Variants in CD300LG observed in about 807,000 individuals in gnomAD.
CD300LG encodes CMRF35-like molecule 9.
CD300LG carries 29 observed loss-of-function variants against 31.5 expected under a neutral mutation model. The observed-to-expected ratio is 0.92, with a 90% CI of 0.68 to 1.25. CD300LG has a LOEUF of 1.25. Ranked by LOEUF, CD300LG falls within the 50% of genes most tolerant of loss-of-function variation. The pLI is 0.00. For missense variants in CD300LG, 396 were observed against 417.6 expected, an observed-to-expected ratio of 0.95 and a Z score of 0.45; for synonymous variants, 175 against 177.2, an observed-to-expected ratio of 0.99 and a Z score of 0.10.
At chr17:43,853,221 G>A (rs548109866) in intron 3 of CD300LG, among the ~76,000 whole-genome samples, 101 of 152,304 alleles carry the variant, frequency 6.6e-4, no homozygotes, top group African/African-American at 2.3e-3. Context: ...GATCCCAGAA[G>A]TGGTCACAGC....
intron 6 of CD300LG, chr17:43,858,607 G>A (rs2046590185): frequency 2.0e-6 from 2 of 985,434 alleles, no homozygotes; most frequent in African/African-American, 1.7e-5. Context: ...AGATGGAACA[G>A]GGCCTCCCAA....
chr17:43,855,443 G>A (rs774475213), intron 5 of CD300LG, 124 bp downstream of exon 5: 16 of 537,886 alleles, frequency 3.0e-5, no homozygotes, highest in Non-Finnish European at 4.8e-5. Flanking sequence ...TCTGAGATAT[G>A]AGCATCAGGA....
rs558061935 is a variant in CD300LG at position 43,862,268 on chromosome 17, G to A, written c.*357G>A. 12 of 161,946 alleles carry A rather than the reference G, an allele frequency of 7.4e-5. No homozygotes were observed. Among genetic ancestry groups the A allele is most frequent in the South Asian group, 2.0e-4 (1 of 4,992 alleles). 10.0% of individuals were successfully genotyped at this position (161,946 alleles called of 1,614,324 possible). A position where few individuals can be genotyped will look rare whatever the true frequency, so the allele number is the denominator to read the frequency against. On this transcript the variant is annotated 3_prime_UTR_variant, in exon 7 of 7. Coordinates refer to ENST00000317310, the MANE Select transcript of CD300LG (RefSeq NM_145273.4). ...ACTCCTGGGCCTCATGCCCAGTGTC[G>A]GACCCTGCCTTCCTCCCACTCCAGA...
rs1160451709 is a variant in CD300LG at position 43,856,985 on chromosome 17, C to T, written c.833-119C>T. 6.3e-6 allele frequency: 6 copies of T among 953,090 alleles called. No individual in the cohort carries two copies. The African/African-American group carries it at 6.5e-5, about 10-fold the overall frequency. The allele number at this position is 953,090 out of a possible 1,614,324, so 59.0% of individuals were successfully genotyped here. On this transcript the variant is annotated intron_variant, in intron 5 of 6. Coordinates refer to ENST00000317310, the MANE Select transcript of CD300LG (RefSeq NM_145273.4). ...CCTCTGCCCATCTGGCTGCCTCCTC[C>T]CTCTGGGAAGCCCCTGCTCCCGTGT...
At chr17:43,849,245 C>A (rs1257531874) in intron 2 of CD300LG, 3 of 423,042 alleles carry the variant, frequency 7.1e-6, no homozygotes, top group Admixed American at 3.9e-5. Context: ...AGACTCCTCG[C>A]CTGGTGTCAG....
Position 43,847,176 on chromosome 17 carries a change from A to G in CD300LG, c.-41A>G. 1 of 1,610,908 alleles carries G rather than the reference A, an allele frequency of 6.2e-7. No individual in the cohort carries two copies. On this transcript the variant is annotated 5_prime_UTR_variant, in exon 1 of 7. Coordinates refer to ENST00000317310, the MANE Select transcript of CD300LG (RefSeq NM_145273.4). ...GACCCGTGTGACTGAAGAGGAGCTC[A>G]CAGTTCCCAGCGTCTGCTCCCACGG...
At position 43,862,342 on chromosome 17, in the gene CD300LG, C is replaced by T. The variant is rs1221200581; in HGVS notation, c.*431C>T. The T allele has an allele frequency of 2.0e-5, 3 of 152,878 alleles. No homozygotes were observed. Among genetic ancestry groups the T allele is most frequent in the Non-Finnish European group, 4.4e-5 (3 of 68,580 alleles). 9.5% of individuals were successfully genotyped at this position (152,878 alleles called of 1,614,324 possible). On this transcript the variant is annotated 3_prime_UTR_variant, in exon 7 of 7. Coordinates refer to ENST00000317310, the MANE Select transcript of CD300LG (RefSeq NM_145273.4). ...GCGTCCTCAGACTTAGTCCCACGGT[C>T]TCCTGCATCAGCTGGTGATGAAGAG...
At chr17:43,852,649 G>C (rs1279999550) in intron 2 of CD300LG, among the ~76,000 whole-genome samples, 1 of 152,240 alleles carries the variant, frequency 6.6e-6, no homozygotes, top group African/African-American at 2.4e-5. Flanking sequence ...CAAAACTGGA[G>C]TAGTGTGAAG....
chr17:43,858,056 G>A (rs2143400988), intron 6 of CD300LG: 1 of 1,430,620 alleles, frequency 7.0e-7, no homozygotes, highest in Non-Finnish European at 9.1e-7. Flanking sequence ...TCCCTCTGCT[G>A]TTTACTGAGA....
At chr17:43,857,274 G>A (rs1567854748) in intron 6 of CD300LG, 118 bp downstream of exon 6, 3 of 1,438,834 alleles carry the variant, frequency 2.1e-6, no homozygotes, top group Non-Finnish European at 2.9e-6. Flanking sequence ...CCTAGAGGCA[G>A]CGCTTGCTCC....
chr17:43,861,695 G>C, intron 6 of CD300LG, 103 bp from the exon 7 acceptor site: 1 of 673,284 alleles, frequency 1.5e-6, no homozygotes, highest in Non-Finnish European at 2.4e-6. Flanking sequence ...TGGAACTTGT[G>C]GAAAAGGCTG....
intron 3 of CD300LG, 51 bp downstream of exon 3, chr17:43,853,064 C>T (rs2046407500): frequency 6.7e-7 from 1 of 1,496,272 alleles, no homozygotes. Flanking sequence ...CTTACAGAAG[C>T]AGCCAGTGAG....
intron 3 of CD300LG, among the ~76,000 whole-genome samples, chr17:43,853,475 G>A (rs935149987): frequency 1.3e-5 from 2 of 152,172 alleles, no homozygotes; most frequent in African/African-American, 2.4e-5. Context: ...GACTGTAGGG[G>A]GAGGGCAGGA....
intron 6 of CD300LG, 64 bp downstream of exon 6, chr17:43,857,220 TG>T: frequency 6.3e-7 from 1 of 1,589,430 alleles, no homozygotes; most frequent in Non-Finnish European, 8.6e-7. Context: ...TCAAGATTCC[TG>T]GGCTTTGCCT....
intron 6 of CD300LG, chr17:43,861,208 C>G: frequency 1.0e-6 from 1 of 985,334 alleles, no homozygotes; most frequent in Non-Finnish European, 1.2e-6. Context: ...TCACCATCCC[C>G]GAGCCCTCTC....
chr17:43,848,505 C>G (rs997926842), intron 1 of CD300LG, 53 bp from the exon 2 acceptor site: 1 of 1,443,426 alleles, frequency 6.9e-7, no homozygotes. Flanking sequence ...CTGGCCTTGA[C>G]CTTGGTACAT....
chr17:43,847,872 G>T (rs887664338), intron 1 of CD300LG, among the ~76,000 whole-genome samples: 1 of 152,120 alleles, frequency 6.6e-6, no homozygotes, highest in Non-Finnish European at 1.5e-5. Context: ...GATCGCTTGA[G>T]CCCCAGAGGT....
At chr17:43,857,199 G>C (rs779873660) in intron 6 of CD300LG, 43 bp downstream of exon 6, 2 of 1,607,720 alleles carry the variant, frequency 1.2e-6, no homozygotes, top group South Asian at 2.2e-5. Context: ...AGATCCCCTT[G>C]GGGCTGGAAG....
At chr17:43,858,555 G>A (rs911771010) in intron 6 of CD300LG, 3 of 985,350 alleles carry the variant, frequency 3.0e-6, no homozygotes, top group Non-Finnish European at 2.4e-6. Flanking sequence ...CACAGGGCCA[G>A]CAGGCAGAGG....
Sources: gnomAD v4.1 joint callset for allele counts (sites outside exome capture counted in the v4.1 genomes callset) on GRCh38, gnomAD v4.1.1 for gene constraint, MANE v1.5 for transcripts, NCBI Gene and HGNC (gene_info 2026-07-23, HGNC 2026-07-21) for gene names.